Variants in TCF7L2 observed in about 807,000 individuals in gnomAD.
The protein encoded by TCF7L2 is transcription factor 7 like 2.
TCF7L2 carries 23 observed loss-of-function variants against 77.9 expected under a neutral mutation model. That is an observed-to-expected ratio of 0.30 (90% CI 0.21 to 0.42). TCF7L2 has a LOEUF of 0.42. Ranked by LOEUF, TCF7L2 falls within the 10% of genes least tolerant of loss-of-function variation. The pLI, the probability that TCF7L2 is intolerant of heterozygous loss-of-function variation, is 1.00. For synonymous variants in TCF7L2, 413 were observed against 340.2 expected (o/e 1.21, Z -2.36); for missense variants, 654 against 793.1 (o/e 0.82, Z 2.11).
intron 5 of TCF7L2, among the ~76,000 whole-genome samples, chr10:113,132,274 A>G (rs554443222): frequency 9.9e-5 from 15 of 152,246 alleles, no homozygotes; most frequent in African/African-American, 3.6e-4. Flanking sequence ...CTTTTCTCAG[A>G]CTCCATGGAG....
At chr10:113,158,392 G>T (rs1299913974) in intron 12 of TCF7L2, among the ~76,000 whole-genome samples, 2 of 152,028 alleles carry the variant, frequency 1.3e-5, no homozygotes, top group Admixed American at 6.6e-5. Flanking sequence ...TTTTGTGTGT[G>T]CCTGAGAAGG....
At chr10:113,128,234 A>G (rs2136448848) in intron 5 of TCF7L2, among the ~76,000 whole-genome samples, 1 of 152,292 alleles carries the variant, frequency 6.6e-6, no homozygotes, top group African/African-American at 2.4e-5. Flanking sequence ...ACACTTACAC[A>G]GGAAGGCCAG....
At chr10:113,089,336 G>A (rs1564879293) in intron 5 of TCF7L2, 7 of 1,555,396 alleles carry the variant, frequency 4.5e-6, no homozygotes, top group Admixed American at 1.9e-5. Flanking sequence ...GGCTGTGTGT[G>A]CCTTGGTGAC....
At chr10:113,095,071 A>C (rs150912242) in intron 5 of TCF7L2, among the ~76,000 whole-genome samples, 8 of 152,338 alleles carry the variant, frequency 5.3e-5, no homozygotes, top group Middle Eastern at 3.4e-3. Flanking sequence ...GCACCTTTGC[A>C]TTCCAGCCTG....
At chr10:112,981,877 T>A (rs1280881238) in intron 4 of TCF7L2, among the ~76,000 whole-genome samples, 2 of 152,202 alleles carry the variant, frequency 1.3e-5, no homozygotes, top group East Asian at 3.9e-4. Flanking sequence ...CCAGGACTCC[T>A]GGTCGGTGGA....
intron 5 of TCF7L2, among the ~76,000 whole-genome samples, chr10:113,109,790 T>G (rs1344864167): frequency 6.6e-6 from 1 of 152,252 alleles, no homozygotes; most frequent in Non-Finnish European, 1.5e-5. Flanking sequence ...CCATACAGCT[T>G]TTATAATCAA....
intron 5 of TCF7L2, among the ~76,000 whole-genome samples, chr10:113,066,401 C>T (rs112210812): frequency 0.03 from 4,552 of 151,948 alleles, 214 homozygotes; most frequent in African/African-American, 0.1. Flanking sequence ...AATCTAAAAG[C>T]AAATTTTCAG....
At chr10:113,117,434 CCTCTCTCTCTCTCTCTCTCTCTCTTCT>C (rs2063982418) in intron 5 of TCF7L2, among the ~76,000 whole-genome samples, 5 of 39,758 alleles carry the variant, frequency 1.3e-4, no homozygotes, top group South Asian at 9.8e-4. Flanking sequence ...TCTCTCTCTC[CCTCTCTCTCTCTCTCTCTCTCTCTTCT>C]CCCCCCAACA....
At chr10:113,094,130 T>C (rs939170767) in intron 5 of TCF7L2, among the ~76,000 whole-genome samples, 1 of 152,244 alleles carries the variant, frequency 6.6e-6, no homozygotes, top group Non-Finnish European at 1.5e-5. Flanking sequence ...GGCACATTAT[T>C]GCTGCTACTT....
At chr10:113,124,402 C>T (rs927097843) in intron 5 of TCF7L2, among the ~76,000 whole-genome samples, 1 of 152,078 alleles carries the variant, frequency 6.6e-6, no homozygotes, top group Non-Finnish European at 1.5e-5. Context: ...TAGACCCCCA[C>T]GATTCATTGG....
At chr10:113,159,958 C>T in intron 12 of TCF7L2, 1 of 1,609,532 alleles carries the variant, frequency 6.2e-7, no homozygotes, top group Non-Finnish European at 8.5e-7. Context: ...GCGCTTTGGC[C>T]TTGATCAACA....
At chr10:113,118,653 TG>T (rs1440955187) in intron 5 of TCF7L2, among the ~76,000 whole-genome samples, 29 of 32,752 alleles carry the variant, frequency 8.9e-4, no homozygotes, top group Admixed American at 2.7e-3. Context: ...GTTTTTTTTT[TG>T]TTTTTTTTTG....
At chr10:113,129,171 C>T (rs1019150775) in intron 5 of TCF7L2, 7 of 304,148 alleles carry the variant, frequency 2.3e-5, no homozygotes, top group Admixed American at 6.5e-5. Context: ...GTGTCACTTC[C>T]GTGTCACTGT....
intron 5 of TCF7L2, among the ~76,000 whole-genome samples, chr10:113,117,185 A>C (rs1282960815): frequency 6.6e-6 from 1 of 152,226 alleles, no homozygotes; most frequent in Non-Finnish European, 1.5e-5. Flanking sequence ...CAAATAACTT[A>C]GGGGACATCA....
chr10:113,055,613 G>A (rs1202548665), intron 5 of TCF7L2, among the ~76,000 whole-genome samples: 6 of 152,222 alleles, frequency 3.9e-5, no homozygotes, highest in Middle Eastern at 6.8e-3. Context: ...CATTGCCCAG[G>A]CTGGATTGCA....
intron 7 of TCF7L2, among the ~76,000 whole-genome samples, 163 bp from the exon 8 acceptor site, chr10:113,145,848 T>C (rs1293285862): frequency 6.6e-6 from 1 of 152,234 alleles, no homozygotes; most frequent in Non-Finnish European, 1.5e-5. Flanking sequence ...AATTGTTCTG[T>C]GTTTCTTCCC....
chr10:113,054,267 A>G (rs1320145755), intron 5 of TCF7L2, among the ~76,000 whole-genome samples: 1 of 152,248 alleles, frequency 6.6e-6, no homozygotes, highest in East Asian at 1.9e-4. Context: ...GTAAATCACA[A>G]ATCTTTCTGG....
In TCF7L2 at chr10:113,129,538, T is replaced by TCTA; in HGVS notation, c.553-11646_553-11645insCTA. 3 of 1,014,622 alleles carry TCTA rather than the reference T, an allele frequency of 3.0e-6. No individual in the cohort carries two copies. In the South Asian group the frequency reaches 1.1e-4, roughly 38 times the overall value. The allele number at this position is 1,014,622 out of a possible 1,614,324, so 62.9% of individuals were successfully genotyped here. Reference sequence around the variant, plus strand: ...ATCTGCAACCAGCTGAACTCTAGATTATTAGTGGACTTTTTTGTTTTTTAT... The same window carrying TCTA: ...ATCTGCAACCAGCTGAACTCTAGATTCTAATTAGTGGACTTTTTTGTTTTTTAT... On this transcript the variant is annotated intron_variant, in intron 5 of 13. Transcript: ENST00000627217.
At chr10:112,983,271 A>C (rs2040841891) in intron 4 of TCF7L2, among the ~76,000 whole-genome samples, 1 of 151,928 alleles carries the variant, frequency 6.6e-6, no homozygotes, top group Middle Eastern at 3.2e-3. Flanking sequence ...GGAGATCGAA[A>C]CCATCCTGGC....
Sources: gnomAD v4.1 joint callset for allele counts (sites outside exome capture counted in the v4.1 genomes callset) on GRCh38, gnomAD v4.1.1 for gene constraint, MANE v1.5 for transcripts, NCBI Gene and HGNC (gene_info 2026-07-23, HGNC 2026-07-21) for gene names.